PTPRT: variants seen among roughly 807,000 people sequenced by gnomAD.
PTPRT encodes the protein protein tyrosine phosphatase receptor type T.
PTPRT carries 56 observed loss-of-function variants against 176.8 expected under a neutral mutation model. That is an observed-to-expected ratio of 0.32 (90% CI 0.26 to 0.40). PTPRT has a LOEUF of 0.40. Ranked by LOEUF, PTPRT falls within the 10% of genes least tolerant of loss-of-function variation. The pLI is 1.00. For missense variants in PTPRT, 1,540 were observed against 1,908.2 expected (o/e 0.81, Z 3.60); for synonymous variants, 783 against 739.0 (o/e 1.06, Z -0.96).
chr20:42,989,352 G>A (rs1983765743), intron 1 of PTPRT, among the ~76,000 whole-genome samples: 1 of 152,244 alleles, frequency 6.6e-6, no homozygotes, highest in Admixed American at 6.5e-5. Flanking sequence ...AAATATTTGT[G>A]TGAGCAGTGA....
At chr20:43,125,268 G>A (rs1031668914) in intron 1 of PTPRT, among the ~76,000 whole-genome samples, 1 of 151,802 alleles carries the variant, frequency 6.6e-6, no homozygotes, top group Non-Finnish European at 1.5e-5. Context: ...CCAAAGTGCT[G>A]GGATTACAGT....
intron 1 of PTPRT, among the ~76,000 whole-genome samples, chr20:42,948,936 AC>A (rs1981059417): frequency 6.6e-6 from 1 of 152,176 alleles, no homozygotes; most frequent in African/African-American, 2.4e-5. Flanking sequence ...TGCTGGGAAC[AC>A]GTTCCATGAA....
intron 2 of PTPRT, among the ~76,000 whole-genome samples, chr20:42,858,823 T>C (rs914099439): frequency 2.0e-5 from 3 of 152,204 alleles, no homozygotes; most frequent in Non-Finnish European, 4.4e-5. Flanking sequence ...AAAACTGGGC[T>C]AGACAGGCCA....
At chr20:42,131,014 T>C (rs1334991003) in intron 18 of PTPRT, among the ~76,000 whole-genome samples, 1 of 152,196 alleles carries the variant, frequency 6.6e-6, no homozygotes, top group Non-Finnish European at 1.5e-5. Context: ...CTCAGAAAGA[T>C]TAAGCAAGCT....
intron 1 of PTPRT, among the ~76,000 whole-genome samples, chr20:42,951,605 A>T (rs988473255): frequency 6.6e-6 from 1 of 152,232 alleles, no homozygotes; most frequent in African/African-American, 2.4e-5. Context: ...AGATTTCAAT[A>T]TCTTTAAAGT....
chr20:42,321,915 CA>C (rs1215900080), intron 11 of PTPRT, among the ~76,000 whole-genome samples: 1 of 151,918 alleles, frequency 6.6e-6, no homozygotes, highest in Non-Finnish European at 1.5e-5. Flanking sequence ...ACTAAAAATA[CA>C]AAAAAAATTA....
intron 12 of PTPRT, among the ~76,000 whole-genome samples, chr20:42,295,616 A>G (rs2057375501): frequency 6.6e-6 from 1 of 152,216 alleles, no homozygotes; most frequent in Admixed American, 6.5e-5. Flanking sequence ...CATTGCAGAA[A>G]TAATACAACT....
intron 15 of PTPRT, among the ~76,000 whole-genome samples, chr20:42,224,771 C>T (rs2055967033): frequency 6.6e-6 from 1 of 152,202 alleles, no homozygotes; most frequent in African/African-American, 2.4e-5. Context: ...CCCGCAAATA[C>T]ACCAACTCCT....
intron 6 of PTPRT, among the ~76,000 whole-genome samples, chr20:42,694,221 G>C (rs953864751): frequency 2.0e-5 from 3 of 151,762 alleles, no homozygotes; most frequent in Admixed American, 6.6e-5. Context: ...TGTATTTTTA[G>C]TAGAGACGGG....
intron 25 of PTPRT, 34 bp from the exon 26 acceptor site, chr20:42,102,331 C>T (rs1342011940): frequency 6.3e-7 from 1 of 1,594,570 alleles, no homozygotes; most frequent in Non-Finnish European, 8.6e-7. Flanking sequence ...ATAGGCCCTG[C>T]TCATTTGGCT....
chr20:42,044,094 C>A, the PTPRT span, among the ~76,000 whole-genome samples: 2 of 152,174 alleles, frequency 1.3e-5, no homozygotes, highest in African/African-American at 4.8e-5. Flanking sequence ...TCAAGGAAGT[C>A]ACAGTCAAAT....
chr20:42,540,552 C>A (rs1466748658), intron 7 of PTPRT, among the ~76,000 whole-genome samples: 1 of 152,122 alleles, frequency 6.6e-6, no homozygotes, highest in East Asian at 1.9e-4. Context: ...AGCAAGCCAG[C>A]AGCTCTGGGA....
At chr20:42,632,303 A>G (rs1380808130) in intron 7 of PTPRT, among the ~76,000 whole-genome samples, 3 of 152,110 alleles carry the variant, frequency 2.0e-5, no homozygotes, top group African/African-American at 7.2e-5. Flanking sequence ...CAGTGGTGCG[A>G]TCTTGGCTCA....
At chr20:42,439,135 AG>A (rs1221078776) in intron 9 of PTPRT, among the ~76,000 whole-genome samples, 3 of 152,164 alleles carry the variant, frequency 2.0e-5, no homozygotes, top group Non-Finnish European at 4.4e-5. Context: ...AAGTTTCTGG[AG>A]GGGAAACATC....
At chr20:42,866,039 C>CTAAAATTG in intron 2 of PTPRT, among the ~76,000 whole-genome samples, 1 of 152,190 alleles carries the variant, frequency 6.6e-6, no homozygotes, top group East Asian at 1.9e-4. Flanking sequence ...GATCAATGTA[C>CTAAAATTG]TAAAATTGCC....
intron 1 of PTPRT, among the ~76,000 whole-genome samples, chr20:43,163,567 G>A: frequency 6.6e-6 from 1 of 152,026 alleles, no homozygotes; most frequent in Non-Finnish European, 1.5e-5. Flanking sequence ...GAACCCAGGA[G>A]GCAGAGCTTG....
At position 42,678,095 on chromosome 20, in the gene PTPRT, C is replaced by T. The variant is rs1295300579; in HGVS notation, c.924G>A (p.Lys308=). The T allele has an allele frequency of 6.2e-7, 1 of 1,614,040 alleles. No individual in the cohort carries two copies. The highest frequency in any genetic ancestry group is 8.5e-7 in the Non-Finnish European group (1 of 1,180,026). Residue 308 remains lysine (K), a synonymous_variant, in exon 7 of 31, where the codon AAG becomes AAA. Transcript: ENST00000373187. ...CCCCGATGATGGAGTTGGCATTTGG[C>T]TTGATCCACAGGTATGTGGCCCCCA... ...LAVGATYLWI[K]PNANSIIGDG...
chr20:43,104,928 T>C (rs2012536415), intron 1 of PTPRT, among the ~76,000 whole-genome samples: 1 of 152,194 alleles, frequency 6.6e-6, no homozygotes, highest in Admixed American at 6.5e-5. Context: ...CAAATTATCC[T>C]ACAATTGTTT....
At chr20:42,856,951 C>T (rs911535292) in intron 2 of PTPRT, among the ~76,000 whole-genome samples, 1 of 152,118 alleles carries the variant, frequency 6.6e-6, no homozygotes, top group Non-Finnish European at 1.5e-5. Context: ...ACTGGACTAG[C>T]CAGAAAACCT....
Sources: gnomAD v4.1 joint callset for allele counts (sites outside exome capture counted in the v4.1 genomes callset) on GRCh38, gnomAD v4.1.1 for gene constraint, MANE v1.5 for transcripts, NCBI Gene and HGNC (gene_info 2026-07-23, HGNC 2026-07-21) for gene names.